PCDH15: variants seen among roughly 807,000 people sequenced by gnomAD.
The protein encoded by PCDH15 is protocadherin related 15.
In PCDH15, 129 loss-of-function variants were observed where a neutral mutation model predicts 178.5. That is an observed-to-expected ratio of 0.72 (90% CI 0.63 to 0.84). The LOEUF is 0.84. PCDH15 is among the 40% of genes least tolerant of loss of function. The pLI, the probability that PCDH15 is intolerant of heterozygous loss-of-function variation, is 0.00. For synonymous variants in PCDH15, 800 were observed against 732.0 expected (o/e 1.09, Z -1.50); for missense variants, 2,230 against 2,099.9 (o/e 1.06, Z -1.21).
At chr10:55,084,828 TC>T (rs373930622) in intron 2 of PCDH15, among the ~76,000 whole-genome samples, 2 of 152,124 alleles carry the variant, frequency 1.3e-5, no homozygotes, top group African/African-American at 4.8e-5. Flanking sequence ...GAAAAAGTGC[TC>T]AACATCACTG....
intron 2 of PCDH15, among the ~76,000 whole-genome samples, chr10:54,636,842 CTAT>C (rs1012918597): frequency 1.3e-5 from 2 of 151,694 alleles, no homozygotes; most frequent in African/African-American, 4.8e-5. Flanking sequence ...TACCATTGCC[CTAT>C]TATTTTCCAG....
intron 8 of PCDH15, among the ~76,000 whole-genome samples, chr10:54,290,292 A>T (rs2059313716): frequency 6.6e-6 from 1 of 152,184 alleles, no homozygotes. Context: ...ATCTAGTCAA[A>T]CTAAGCTTCC....
chr10:54,728,818 A>T (rs559288891), intron 1 of PCDH15, among the ~76,000 whole-genome samples: 82 of 151,636 alleles, frequency 5.4e-4, no homozygotes, highest in Middle Eastern at 6.8e-3. Flanking sequence ...GCACAATTGC[A>T]TTCATAATAG....
intron 2 of PCDH15, among the ~76,000 whole-genome samples, chr10:55,037,915 G>A (rs867211554): frequency 6.6e-6 from 1 of 152,112 alleles, no homozygotes; most frequent in Non-Finnish European, 1.5e-5. Context: ...TAGCGCATAT[G>A]ACTTTCAGAA....
intron 14 of PCDH15, among the ~76,000 whole-genome samples, chr10:54,137,524 A>C (rs1419713966): frequency 2.0e-5 from 3 of 152,150 alleles, no homozygotes. Flanking sequence ...CTTCCTCAGG[A>C]AACAACCTTC....
intron 16 of PCDH15, among the ~76,000 whole-genome samples, chr10:54,088,352 A>G (rs1163045309): frequency 6.6e-6 from 1 of 152,164 alleles, no homozygotes; most frequent in African/African-American, 2.4e-5. Flanking sequence ...CCATTCACAT[A>G]TCCTTTTTTA....
At chr10:55,112,073 A>G (rs1837522973) in intron 2 of PCDH15, among the ~76,000 whole-genome samples, 1 of 152,182 alleles carries the variant, frequency 6.6e-6, no homozygotes, top group African/African-American at 2.4e-5. Context: ...CAATGAGAGT[A>G]CTGAGATTTA....
intron 3 of PCDH15, among the ~76,000 whole-genome samples, chr10:54,869,444 TAA>T (rs919871880): frequency 1.9e-4 from 29 of 152,270 alleles, no homozygotes; most frequent in Admixed American, 9.2e-4. Flanking sequence ...TAATATTTGT[TAA>T]TAATAATAAG....
At chr10:54,552,205 A>G (rs2086694312) in intron 2 of PCDH15, among the ~76,000 whole-genome samples, 1 of 152,060 alleles carries the variant, frequency 6.6e-6, no homozygotes, top group Non-Finnish European at 1.5e-5. Context: ...CCCTTCATGA[A>G]TGTACTCTCC....
rs572242307 is a variant in PCDH15 at position 54,851,759 on chromosome 10, G to A, written c.-29+45691C>T. Among the ~76,000 whole-genome samples the A allele has an allele frequency of 1.6e-4, 25 of 152,084 alleles. No homozygotes were observed. In the East Asian group the frequency reaches 3.5e-3, roughly 21 times the overall value. ...TAATATTTGTATTTTTAGTAGAGGC[G>A]GGGTTTTACCATGTTGGTCAGGTTG... On this transcript the variant is annotated intron_variant, in intron 3 of 5. Coordinates refer to the PCDH15 transcript ENST00000458638.
At chr10:54,039,890 G>A (rs2093502330) in intron 18 of PCDH15, among the ~76,000 whole-genome samples, 1 of 151,896 alleles carries the variant, frequency 6.6e-6, no homozygotes, top group Non-Finnish European at 1.5e-5. Flanking sequence ...ACAAAATAAA[G>A]AGAAATGAGA....
chr10:54,925,873 A>G (rs1230186490), intron 2 of PCDH15, among the ~76,000 whole-genome samples: 2 of 152,160 alleles, frequency 1.3e-5, no homozygotes, highest in African/African-American at 4.8e-5. Flanking sequence ...TTTTCTAAAT[A>G]TAGGAGCGTG....
intron 3 of PCDH15, among the ~76,000 whole-genome samples, chr10:54,867,100 A>G (rs12764813): frequency 4.0e-4 from 61 of 152,310 alleles, no homozygotes; most frequent in Non-Finnish European, 7.1e-4. Context: ...CTACCCACCA[A>G]TATTTCCTTG....
At chr10:54,550,107 T>G (rs2086382180) in intron 2 of PCDH15, among the ~76,000 whole-genome samples, 1 of 152,202 alleles carries the variant, frequency 6.6e-6, no homozygotes, top group Admixed American at 6.5e-5. Context: ...CTTACATCAA[T>G]AGACTCATGC....
chr10:55,528,872 A>T (rs1421206913), intron 2 of PCDH15, among the ~76,000 whole-genome samples: 2 of 152,028 alleles, frequency 1.3e-5, no homozygotes, highest in Non-Finnish European at 1.5e-5. Flanking sequence ...ATTTCTCCAC[A>T]TCCTCTCCAG....
At chr10:55,540,429 G>A (rs373297681) in intron 2 of PCDH15, among the ~76,000 whole-genome samples, 2 of 151,950 alleles carry the variant, frequency 1.3e-5, no homozygotes, top group African/African-American at 2.4e-5. Context: ...AGATCCTAGG[G>A]TTGCATCAAC....
chr10:54,545,137 AT>A (rs2133059481), intron 2 of PCDH15, among the ~76,000 whole-genome samples: 1 of 152,334 alleles, frequency 6.6e-6, no homozygotes, highest in South Asian at 2.1e-4. Flanking sequence ...AAAGGAAGGC[AT>A]GTTTCCAATT....
At chr10:55,321,175 G>A (rs942668581), upstream of PCDH15, among the ~76,000 whole-genome samples, 1 of 152,086 alleles carries the variant, frequency 6.6e-6, no homozygotes, top group East Asian at 1.9e-4. Flanking sequence ...TGATAGAGTT[G>A]AAAAACTCAC....
chr10:55,026,597 A>G (rs866820422), intron 2 of PCDH15, among the ~76,000 whole-genome samples: 28 of 151,938 alleles, frequency 1.8e-4, no homozygotes, highest in African/African-American at 6.0e-4. Context: ...TATGAGCAAT[A>G]TGGACCTGGG....
Sources: gnomAD v4.1 joint callset for allele counts (sites outside exome capture counted in the v4.1 genomes callset) on GRCh38, gnomAD v4.1.1 for gene constraint, MANE v1.5 for transcripts, NCBI Gene and HGNC (gene_info 2026-07-23, HGNC 2026-07-21) for gene names.